The following ALDH1L1 variants were observed in gnomAD, a reference collection of about 807,000 sequenced individuals.
ALDH1L1 encodes the protein aldehyde dehydrogenase 1 family member L1, also known as cytosolic 10-formyltetrahydrofolate dehydrogenase.
In ALDH1L1, 68 loss-of-function variants were observed where a neutral mutation model predicts 101.1. The ratio of observed to expected loss-of-function variants is 0.67; its 90% CI spans 0.55 to 0.82. ALDH1L1 has a LOEUF of 0.82. ALDH1L1 is among the 40% of genes least tolerant of loss of function. The pLI, the probability that ALDH1L1 is intolerant of heterozygous loss-of-function variation, is 0.00. For missense variants in ALDH1L1, 1,087 were observed against 1,172.7 expected, an observed-to-expected ratio of 0.93 and a Z score of 1.07; for synonymous variants, 486 against 470.8, an observed-to-expected ratio of 1.03 and a Z score of -0.42.
intron 1 of ALDH1L1, among the ~76,000 whole-genome samples, chr3:126,173,095 A>T (rs796473951): frequency 5.2e-4 from 79 of 152,374 alleles, no homozygotes; most frequent in African/African-American, 1.9e-3. Flanking sequence ...CTTACAAGAT[A>T]TGTTAAAAGA....
chr3:126,152,988 C>CT, intron 7 of ALDH1L1: 1 of 271,206 alleles, frequency 3.7e-6, no homozygotes, highest in Non-Finnish European at 7.2e-6. Context: ...GAGCAGGTGG[C>CT]CGGCATGGCT....
intron 22 of ALDH1L1, 61 bp from the exon 23 acceptor site, chr3:126,103,907 G>T (rs916240706): frequency 8.2e-6 from 13 of 1,576,520 alleles, no homozygotes; most frequent in Non-Finnish European, 1.1e-5. Context: ...GCTCGGGGCT[G>T]CAAGTGTCTT....
In ALDH1L1 at chr3:126,118,049, G is replaced by A. The variant is rs750190923; in HGVS notation, c.1938C>T (p.Ile646=). The change falls in exon 17 of 23, where the codon ATC becomes ATT. Residue 646 remains isoleucine (I), a synonymous_variant. Coordinates refer to ENST00000393434, the MANE Select transcript of ALDH1L1 (RefSeq NM_012190.4). ...RLSDHPDVRK[I]GFTGSTEVGK... ...CCACCTCTGTGGAGCCTGTGAACCC[G>A]ATTTTCCTCACATCAGGATGGTCTG... 1.2e-5 allele frequency: 19 copies of A among 1,613,420 alleles called. No homozygotes were observed. Among genetic ancestry groups the A allele is most frequent in the Middle Eastern group, 1.6e-4 (1 of 6,080 alleles).
upstream of ALDH1L1, among the ~76,000 whole-genome samples, chr3:126,186,091 G>A (rs1230709826): frequency 6.6e-6 from 1 of 152,172 alleles, no homozygotes; most frequent in African/African-American, 2.4e-5. Context: ...AAAAGTTCTG[G>A]AGATGGATGG....
chr3:126,138,980 TC>T (rs2080510504), intron 9 of ALDH1L1, among the ~76,000 whole-genome samples: 1 of 152,226 alleles, frequency 6.6e-6, no homozygotes, highest in Non-Finnish European at 1.5e-5. Flanking sequence ...ATTTTCAGCC[TC>T]TCATAAGATA....
intron 1 of ALDH1L1, among the ~76,000 whole-genome samples, chr3:126,196,068 A>G (rs1455501989): frequency 1.3e-5 from 2 of 152,168 alleles, no homozygotes; most frequent in African/African-American, 4.8e-5. Flanking sequence ...ATATGTAACA[A>G]ACCTGCACAT....
At chr3:126,125,525 CAA>C in intron 15 of ALDH1L1, 89 bp downstream of exon 15, 1 of 1,058,968 alleles carries the variant, frequency 9.4e-7, no homozygotes, top group African/African-American at 1.6e-5. Context: ...CCCGTGTGGC[CAA>C]GAGAGGCCCT....
At chr3:126,179,265 C>T (rs575201527) in intron 1 of ALDH1L1, among the ~76,000 whole-genome samples, 1 of 152,276 alleles carries the variant, frequency 6.6e-6, no homozygotes, top group Admixed American at 6.5e-5. Context: ...CAATTCCCAG[C>T]CCAGGCTTGG....
intron 9 of ALDH1L1, among the ~76,000 whole-genome samples, chr3:126,139,147 T>G (rs1161825256): frequency 6.6e-6 from 1 of 152,260 alleles, no homozygotes; most frequent in Non-Finnish European, 1.5e-5. Flanking sequence ...TCCTTTTGAT[T>G]GCTGAGAAGC....
intron 11 of ALDH1L1, 126 bp downstream of exon 11, chr3:126,136,638 C>G (rs2080451330): frequency 3.5e-6 from 5 of 1,417,364 alleles, no homozygotes; most frequent in East Asian, 2.5e-5. Flanking sequence ...TCTTTCCCGT[C>G]CCTCTCAAAG....
chr3:126,132,592 G>T (rs1290052366), intron 12 of ALDH1L1, among the ~76,000 whole-genome samples: 1 of 152,126 alleles, frequency 6.6e-6, no homozygotes, highest in Non-Finnish European at 1.5e-5. Context: ...GCATGTCTGG[G>T]CCCCCTTTCC....
chr3:126,153,013 C>T (rs2080835370), intron 7 of ALDH1L1: 1 of 299,270 alleles, frequency 3.3e-6, no homozygotes, highest in South Asian at 3.3e-5. Flanking sequence ...AGGCTCTGCA[C>T]GTGCTAAGTT....
chr3:126,120,441 G>T (rs1271552254), intron 16 of ALDH1L1, among the ~76,000 whole-genome samples: 1 of 152,202 alleles, frequency 6.6e-6, no homozygotes, highest in Admixed American at 6.5e-5. Flanking sequence ...ACAAGAAAAA[G>T]ATCACTGGTT....
intron 17 of ALDH1L1, 135 bp from the exon 18 acceptor site, chr3:126,114,791 A>G: frequency 3.3e-6 from 2 of 600,068 alleles, no homozygotes; most frequent in South Asian, 3.8e-5. Flanking sequence ...GTGCCTCCCC[A>G]CTCCCCCCCA....
At position 126,168,134 on chromosome 3, in the gene ALDH1L1, G is replaced by A. The variant is rs191685390; in HGVS notation, c.-23-7132C>T. 2.4e-3 allele frequency among the ~76,000 whole-genome samples: 359 copies of A among 152,078 alleles called. 3 individuals are homozygous for A. The highest frequency in any genetic ancestry group is 8.4e-3 in the African/African-American group (347 of 41,504). ...TAAAATTAAATAAAATAAAGTGAAAGGTTTAGGCAAATTGTAAAAACATCA... is the reference window on the plus strand; with the variant it reads ...TAAAATTAAATAAAATAAAGTGAAAAGTTTAGGCAAATTGTAAAAACATCA... On this transcript the variant is annotated intron_variant, in intron 1 of 22. Coordinates refer to ENST00000393434, the MANE Select transcript of ALDH1L1 (RefSeq NM_012190.4).
In ALDH1L1 at chr3:126,124,461, G is replaced by T; in HGVS notation, c.1801-10C>A. 1 of 1,607,968 alleles carries T rather than the reference G, an allele frequency of 6.2e-7. No individual in the cohort carries two copies. Among genetic ancestry groups the T allele is most frequent in the Non-Finnish European group, 8.5e-7 (1 of 1,177,092 alleles). ...CTGTGAGTGGGGTCACCTGGGTGTG[G>T]GGCCAGGAAAGGAGACTGGGTAAGG... On this transcript the variant is annotated splice_polypyrimidine_tract_variant and intron_variant, in intron 15 of 22. Coordinates refer to ENST00000393434, the MANE Select transcript of ALDH1L1 (RefSeq NM_012190.4).
At chr3:126,105,989 C>T in intron 21 of ALDH1L1, 64 bp from the exon 22 acceptor site, 2 of 1,491,030 alleles carry the variant, frequency 1.3e-6, no homozygotes, top group Non-Finnish European at 9.2e-7. Context: ...GCCCACTCCA[C>T]ACCCCGGCCC....
intron 6 of ALDH1L1, 77 bp from the exon 7 acceptor site, chr3:126,153,658 A>G (rs1342122791): frequency 2.0e-6 from 3 of 1,530,462 alleles, no homozygotes; most frequent in Non-Finnish European, 1.8e-6. Flanking sequence ...AGGTCTGAGC[A>G]GGGCTGGGAG....
intron 16 of ALDH1L1, among the ~76,000 whole-genome samples, 172 bp downstream of exon 16, chr3:126,124,192 A>C (rs1046811526): frequency 6.6e-6 from 1 of 152,102 alleles, no homozygotes; most frequent in Non-Finnish European, 1.5e-5. Flanking sequence ...AAGCCCTTCC[A>C]GGTGCAGGTG....
Sources: allele counts gnomAD v4.1 joint callset (sites outside exome capture counted in the v4.1 genomes callset), GRCh38; gene constraint gnomAD v4.1.1; transcripts MANE v1.5; gene names NCBI Gene and HGNC (gene_info 2026-07-23, HGNC 2026-07-21).